Variants in PCDHGB1 observed in about 807,000 individuals in gnomAD.
The protein encoded by PCDHGB1 is protocadherin gamma-B1.
In PCDHGB1, 34 loss-of-function variants were observed where a neutral mutation model predicts 56.6. That is an observed-to-expected ratio of 0.60 (90% CI 0.46 to 0.80). The LOEUF (loss-of-function observed/expected upper bound fraction) is 0.80. Ranked by LOEUF, PCDHGB1 falls within the 30% of genes least tolerant of loss-of-function variation. The pLI is 0.00. For missense variants in PCDHGB1, 1,278 were observed against 1,204.6 expected (o/e 1.06, Z -0.90); for synonymous variants, 561 against 505.9 (o/e 1.11, Z -1.46).
chr5:141,350,778 A>G lies in PCDHGB1; in HGVS notation c.518A>G (p.Gln173Arg). 2 of 1,613,974 alleles carry G rather than the reference A, an allele frequency of 1.2e-6. No individual in the cohort carries two copies. Among genetic ancestry groups the G allele is most frequent in the Non-Finnish European group, 1.7e-6 (2 of 1,179,886 alleles). Reference sequence around the variant, plus strand: ...AAGTTATACACCATCAACCCCAATCAATACTTCTCTCTGTCAACGAAGGAA... The same window carrying G: ...AAGTTATACACCATCAACCCCAATCGATACTTCTCTCTGTCAACGAAGGAA... ...SLKLYTINPN[Q>R]YFSLSTKESP... is the part of the protein sequence containing the mutation. The change falls in exon 1 of 4, where the codon CAA (glutamine) becomes CGA (arginine). Residue 173 changes from glutamine (Q) to arginine (R), a missense_variant. Gln to Arg is a conservative substitution (Grantham distance 43). Coordinates refer to ENST00000523390, the MANE Select transcript of PCDHGB1 (RefSeq NM_018922.3).
chr5:141,403,571 G>A (rs778030830), intron 1 of PCDHGB1: 1 of 1,613,904 alleles, frequency 6.2e-7, no homozygotes, highest in Non-Finnish European at 8.5e-7. Context: ...GGAGGCAACT[G>A]CCCACCACCT....
intron 1 of PCDHGB1, among the ~76,000 whole-genome samples, chr5:141,469,967 C>G (rs2099217411): frequency 6.6e-6 from 1 of 152,124 alleles, no homozygotes; most frequent in Admixed American, 6.6e-5. Flanking sequence ...CCCATCTGTA[C>G]CAAAAATACA....
chr5:141,392,511 A>T (rs1368500575), intron 1 of PCDHGB1: 1 of 240,352 alleles, frequency 4.2e-6, no homozygotes, highest in Non-Finnish European at 7.9e-6. Flanking sequence ...TTTTTTTCTC[A>T]GTAATCTAGT....
intron 1 of PCDHGB1, among the ~76,000 whole-genome samples, chr5:141,458,988 C>G (rs996478276): frequency 6.6e-6 from 1 of 152,208 alleles, no homozygotes; most frequent in African/African-American, 2.4e-5. Flanking sequence ...CTGCCTCACC[C>G]TCCCAAAGTG....
chr5:141,433,090 C>T, intron 1 of PCDHGB1: 2 of 1,614,210 alleles, frequency 1.2e-6, no homozygotes, highest in Non-Finnish European at 1.7e-6. Flanking sequence ...ACTATGCAGA[C>T]ATGCTCGTCA....
intron 1 of PCDHGB1, among the ~76,000 whole-genome samples, chr5:141,444,400 A>G (rs1400847351): frequency 1.3e-5 from 2 of 151,536 alleles, no homozygotes; most frequent in Admixed American, 6.6e-5. Flanking sequence ...TGAACTCCCA[A>G]CCTCAGGTGA....
At chr5:141,421,828 C>T in intron 1 of PCDHGB1, 1 of 1,613,796 alleles carries the variant, frequency 6.2e-7, no homozygotes, top group Non-Finnish European at 8.5e-7. Context: ...GGAGGGAAGC[C>T]TGGACCGAGA....
At chr5:141,393,167 G>C (rs889451396) in intron 1 of PCDHGB1, 17 of 1,613,166 alleles carry the variant, frequency 1.1e-5, no homozygotes, top group East Asian at 2.2e-5. Context: ...AACTCTTTGG[G>C]GTAGAAATAG....
At chr5:141,418,481 C>G (rs1438009750) in intron 1 of PCDHGB1, 1 of 1,614,006 alleles carries the variant, frequency 6.2e-7, no homozygotes, top group Admixed American at 1.7e-5. Context: ...GCAGAGCGCT[C>G]ACCACTTGGT....
chr5:141,375,174 C>G (rs765614006), intron 1 of PCDHGB1: 7 of 1,613,886 alleles, frequency 4.3e-6, no homozygotes, highest in East Asian at 4.5e-5. Flanking sequence ...CCTCCAGGAA[C>G]AGTAATCGCC....
intron 1 of PCDHGB1, chr5:141,366,786 AT>A (rs770117730): frequency 6.3e-7 from 1 of 1,575,572 alleles, no homozygotes; most frequent in Non-Finnish European, 8.6e-7. Flanking sequence ...TGACCAGAAC[AT>A]TTTCATTTGT....
chr5:141,362,004 G>C (rs779926353), intron 1 of PCDHGB1: 4 of 1,604,470 alleles, frequency 2.5e-6, no homozygotes, highest in Non-Finnish European at 3.4e-6. Flanking sequence ...GGTTGCGCAC[G>C]GGTGAGGTGC....
At chr5:141,459,910 A>G (rs2098977946) in intron 1 of PCDHGB1, among the ~76,000 whole-genome samples, 2 of 152,042 alleles carry the variant, frequency 1.3e-5, no homozygotes, top group Non-Finnish European at 1.5e-5. Context: ...GAGCTATGGG[A>G]GTTTTAAAAT....
At chr5:141,409,352 T>G in intron 1 of PCDHGB1, 1 of 1,613,980 alleles carries the variant, frequency 6.2e-7, no homozygotes, top group Non-Finnish European at 8.5e-7. Flanking sequence ...AGAAGTCAGG[T>G]GTAATATAGA....
intron 1 of PCDHGB1, chr5:141,415,222 G>C (rs2095844564): frequency 1.2e-6 from 2 of 1,613,990 alleles, no homozygotes; most frequent in African/African-American, 2.7e-5. Context: ...CGGCAGCTTC[G>C]AGTCTCCAGC....
chr5:141,395,483 AT>A lies in PCDHGB1; in HGVS notation c.2409+42816del, dbSNP rs2093238640. ...TTAAGCCTTCCAGTATTTTATTCCT[AT>A]TATCACTCATTCACTTAAGAAGTAG... On this transcript the variant is annotated intron_variant, in intron 1 of 3. Transcript: ENST00000523390. The A allele has an allele frequency of 5.8e-6, 3 of 512,838 alleles. No individual in the cohort carries two copies. The South Asian group carries it at 8.4e-5, about 14-fold the overall frequency. The allele number at this position is 512,838 out of a possible 1,614,324, so 31.8% of individuals were successfully genotyped here.
Position 141,485,575 on chromosome 5 carries a change from G to C in PCDHGB1, c.2410-9232G>C, listed in dbSNP as rs1200831125. On this transcript the variant is annotated intron_variant, in intron 1 of 3. Coordinates refer to ENST00000523390, the MANE Select transcript of PCDHGB1 (RefSeq NM_018922.3). This position sits in a 1 kb window ranked among gnomAD's most constrained non-coding sequence, Gnocchi z 5.7. ...TGAATGATCACGCCCCCCGTTTTCC[G>C]CGGCAGCAGCTGGACTTGGAAATTG... 2 of 1,612,496 alleles carry C rather than the reference G, an allele frequency of 1.2e-6. No homozygotes were observed. The highest frequency in any genetic ancestry group is 2.7e-5 in the African/African-American group (2 of 74,918).
chr5:141,444,305 A>G (rs62379165), intron 1 of PCDHGB1, among the ~76,000 whole-genome samples: 13,327 of 151,310 alleles, frequency 0.088, 765 homozygotes, highest in African/African-American at 0.16. Context: ...CCTAGTAGCT[A>G]GGATTACAGG....
intron 1 of PCDHGB1, chr5:141,397,891 A>G: frequency 3.2e-6 from 2 of 631,130 alleles, no homozygotes; most frequent in Non-Finnish European, 5.3e-6. Context: ...CTGTTGGCCA[A>G]AGTGCAGAGC....
Sources: allele counts gnomAD v4.1 joint callset (sites outside exome capture counted in the v4.1 genomes callset), GRCh38; gene constraint gnomAD v4.1.1; non-coding constraint Gnocchi (gnomAD v3.1); transcripts MANE v1.5; gene names NCBI Gene and HGNC (gene_info 2026-07-23, HGNC 2026-07-21).